The following MAPK10 variants were observed in gnomAD, a reference collection of about 807,000 sequenced individuals.
MAPK10 encodes the protein JNK3 alpha protein kinase.
MAPK10 carries 25 observed loss-of-function variants against 59.3 expected under a neutral mutation model. That is an observed-to-expected ratio of 0.42 (90% CI 0.31 to 0.59). The LOEUF (loss-of-function observed/expected upper bound fraction) is 0.59. MAPK10 is among the 20% of genes least tolerant of loss of function. The pLI, the probability that MAPK10 is intolerant of heterozygous loss-of-function variation, is 0.15. For synonymous variants in MAPK10, 190 were observed against 200.5 expected (o/e 0.95, Z 0.44); for missense variants, 351 against 568.9 (o/e 0.62, Z 3.90).
intron 1 of MAPK10, among the ~76,000 whole-genome samples, chr4:86,519,973 A>T (rs1391603793): frequency 1.3e-5 from 2 of 152,120 alleles, no homozygotes; most frequent in Non-Finnish European, 2.9e-5. Context: ...AGGGTTTCTG[A>T]TGAGAAATCT....
At chr4:86,270,441 A>T (rs553706942) in intron 2 of MAPK10, among the ~76,000 whole-genome samples, 1 of 152,232 alleles carries the variant, frequency 6.6e-6, no homozygotes, top group South Asian at 2.1e-4. Flanking sequence ...ACTATATCTA[A>T]ATGTGGAGAA....
intron 1 of MAPK10, among the ~76,000 whole-genome samples, chr4:86,545,392 TG>T (rs986958666): frequency 2.6e-5 from 4 of 152,126 alleles, no homozygotes; most frequent in South Asian, 4.2e-4. Context: ...TTAGTGAGGA[TG>T]GGGGAAGCCT....
intron 2 of MAPK10, among the ~76,000 whole-genome samples, chr4:86,269,064 C>G (rs1309031218): frequency 6.6e-6 from 1 of 152,044 alleles, no homozygotes; most frequent in Non-Finnish European, 1.5e-5. Flanking sequence ...TAAAATGCAC[C>G]TTTCTGGGCT....
At chr4:86,101,688 T>C (rs2055426553) in intron 7 of MAPK10, among the ~76,000 whole-genome samples, 1 of 152,166 alleles carries the variant, frequency 6.6e-6, no homozygotes, top group Admixed American at 6.5e-5. Flanking sequence ...TGCATCTCAA[T>C]GAGCCAAAAC....
chr4:86,376,094 A>G (rs369050994), intron 1 of MAPK10, among the ~76,000 whole-genome samples: 214 of 152,308 alleles, frequency 1.4e-3, no homozygotes, highest in Middle Eastern at 0.01. Flanking sequence ...AACTTCAGCA[A>G]TCTTTCAATA....
rs758734032 is a variant in MAPK10 at position 86,029,192 on chromosome 4, A to G, written c.1252+5T>C. On this transcript the variant is annotated splice_donor_5th_base_variant and intron_variant, in intron 13 of 13. Transcript: ENST00000641462. The stretch of plus-strand genomic sequence containing the variant: ...GTTTATTGGTTATTCACGGAGAGTG[A>G]GTACCTGAAGGAGAAGGCTGTCCTT... 6.3e-7 allele frequency: 1 copy of G among 1,596,246 alleles called. No individual in the cohort carries two copies. The highest frequency in any genetic ancestry group is 1.1e-5 in the South Asian group (1 of 90,670).
chr4:86,534,182 G>C (rs1386654845), intron 1 of MAPK10, among the ~76,000 whole-genome samples: 2 of 152,048 alleles, frequency 1.3e-5, no homozygotes, highest in East Asian at 3.8e-4. Flanking sequence ...CAGTATCTTT[G>C]ACTATGCATG....
At chr4:86,248,985 T>C (rs2093272363) in intron 2 of MAPK10, among the ~76,000 whole-genome samples, 1 of 152,210 alleles carries the variant, frequency 6.6e-6, no homozygotes, top group Admixed American at 6.5e-5. Context: ...TTTAAAAGTA[T>C]AATTTAGCAC....
chr4:86,533,854 T>C (rs940776901), intron 1 of MAPK10, among the ~76,000 whole-genome samples: 1 of 152,200 alleles, frequency 6.6e-6, no homozygotes, highest in African/African-American at 2.4e-5. Context: ...CCCCATGGAC[T>C]CAACCTTATT....
intron 1 of MAPK10, among the ~76,000 whole-genome samples, chr4:86,535,660 C>T (rs889119781): frequency 5.9e-5 from 9 of 152,006 alleles, no homozygotes; most frequent in African/African-American, 2.2e-4. Context: ...TTTTTTCTTC[C>T]TTTATATATA....
intron 1 of MAPK10, among the ~76,000 whole-genome samples, chr4:86,494,622 G>T (rs967205899): frequency 1.3e-5 from 2 of 151,840 alleles, no homozygotes; most frequent in African/African-American, 4.8e-5. Flanking sequence ...GAGGCGGGCG[G>T]ATCACGAGGT....
chr4:86,238,782 T>G (rs909738031), intron 2 of MAPK10, among the ~76,000 whole-genome samples: 1 of 152,188 alleles, frequency 6.6e-6, no homozygotes, highest in Non-Finnish European at 1.5e-5. Context: ...TAAAATCATG[T>G]CATCTGCAAA....
At chr4:86,310,733 A>G (rs2095651883) in intron 2 of MAPK10, among the ~76,000 whole-genome samples, 1 of 152,078 alleles carries the variant, frequency 6.6e-6, no homozygotes, top group Admixed American at 6.6e-5. Context: ...TTGAGACACT[A>G]TTTATGATGG....
At chr4:86,315,541 CA>C (rs1383580391) in intron 2 of MAPK10, among the ~76,000 whole-genome samples, 1 of 151,538 alleles carries the variant, frequency 6.6e-6, no homozygotes, top group African/African-American at 2.4e-5. Context: ...TATGTACCTA[CA>C]AAAAAATTAA....
intron 1 of MAPK10, among the ~76,000 whole-genome samples, chr4:86,524,142 TAGA>T (rs1757306003): frequency 6.6e-6 from 1 of 152,270 alleles, no homozygotes; most frequent in South Asian, 2.1e-4. Context: ...CACCATGAAG[TAGA>T]AGGAGACTGA....
At chr4:86,245,154 G>A (rs920734135) in intron 2 of MAPK10, among the ~76,000 whole-genome samples, 5 of 152,038 alleles carry the variant, frequency 3.3e-5, no homozygotes, top group Non-Finnish European at 7.4e-5. Context: ...TACCTGGGTA[G>A]CCTGTCTCTT....
chr4:86,324,288 G>A (rs2095970917), intron 2 of MAPK10, among the ~76,000 whole-genome samples: 1 of 152,070 alleles, frequency 6.6e-6, no homozygotes. Context: ...GTGCCTGCCT[G>A]TAATCCCAGC....
chr4:86,574,059 C>G lies in MAPK10; in HGVS notation c.-263+19851G>C, dbSNP rs536544556. On this transcript the variant is annotated intron_variant, in intron 1 of 4. Coordinates refer to the MAPK10 transcript ENST00000502302. The stretch of plus-strand genomic sequence containing the variant: ...TCCTAATGCTATCCTTCCACCCTCC[C>G]TCCACCCCACAACAGTCCCCAGAGT... Among the ~76,000 whole-genome samples, 5 of 152,240 alleles carry G rather than the reference C, an allele frequency of 3.3e-5. No individual in the cohort carries two copies. In the South Asian group the frequency reaches 8.3e-4, roughly 25 times the overall value.
rs188931459 is a variant in MAPK10 at position 86,068,170 on chromosome 4, G to A, written c.803-215C>T. Among the ~76,000 whole-genome samples, 491 of 152,216 alleles carry A rather than the reference G, an allele frequency of 3.2e-3. 3 individuals carry two copies. Among genetic ancestry groups the A allele is most frequent in the South Asian group, 0.021 (101 of 4,826 alleles). ...AAACTTATATACTTTTGGAAAACTA[G>A]CAATTATTTAACAAAATAAGATATC... On this transcript the variant is annotated intron_variant, in intron 9 of 13. Coordinates refer to ENST00000641462, the MANE Select transcript of MAPK10 (RefSeq NM_138982.4).
Sources: gnomAD v4.1 joint callset for allele counts (sites outside exome capture counted in the v4.1 genomes callset) on GRCh38, gnomAD v4.1.1 for gene constraint, MANE v1.5 for transcripts, NCBI Gene and HGNC (gene_info 2026-07-23, HGNC 2026-07-21) for gene names.